NELFB: variants seen among roughly 807,000 people sequenced by gnomAD.
NELFB encodes the protein negative elongation factor B.
Under a neutral mutation model 60.2 loss-of-function variants are expected in NELFB, and 34 were observed. The ratio of observed to expected loss-of-function variants is 0.56; its 90% CI spans 0.43 to 0.75. The LOEUF (loss-of-function observed/expected upper bound fraction) is 0.75. NELFB is among the 30% of genes least tolerant of loss of function. The pLI is 0.00. For missense variants in NELFB, 770 were observed against 831.6 expected, an observed-to-expected ratio of 0.93 and a Z score of 0.91; for synonymous variants, 459 against 382.1, an observed-to-expected ratio of 1.20 and a Z score of -2.35.
chr9:137,259,493 C>T (rs564214609), intron 4 of NELFB, among the ~76,000 whole-genome samples: 1 of 152,126 alleles, frequency 6.6e-6, no homozygotes, highest in African/African-American at 2.4e-5. Flanking sequence ...CCCTTGGACC[C>T]CTCTGCTAAC....
At chr9:137,270,878 C>T (rs1224027733) in intron 10 of NELFB, among the ~76,000 whole-genome samples, 4 of 152,206 alleles carry the variant, frequency 2.6e-5, no homozygotes, top group East Asian at 1.9e-4. Flanking sequence ...GAGATTGCAC[C>T]GCTGCACTCC....
intron 4 of NELFB, among the ~76,000 whole-genome samples, chr9:137,257,429 T>C (rs920834239): frequency 3.3e-5 from 5 of 151,152 alleles, no homozygotes; most frequent in Non-Finnish European, 5.9e-5. Context: ...TTCACTCCAT[T>C]CTCCTGCCTC....
rs200780941 is a variant in NELFB at position 137,255,602 on chromosome 9, G to A, written c.237G>A (p.Glu79=). Residue 79 remains glutamate, a synonymous_variant, in exon 1 of 13, where the codon GAG becomes GAA. Coordinates refer to ENST00000343053, the MANE Select transcript of NELFB (RefSeq NM_015456.5). Reference sequence around the variant, plus strand: ...GCACGGAGCCGCTCAAGGCCATCGAGCAGTTCCAGGTGGGGCGGCCCCCGG... The same window carrying A: ...GCACGGAGCCGCTCAAGGCCATCGAACAGTTCCAGGTGGGGCGGCCCCCGG... 424 of 1,548,938 alleles carry A rather than the reference G, an allele frequency of 2.7e-4. No individual in the cohort carries two copies. In the African/African-American group the frequency reaches 3.4e-3, roughly 12 times the overall value.
At chr9:137,271,092 C>T (rs1348502646) in intron 10 of NELFB, among the ~76,000 whole-genome samples, 1 of 152,254 alleles carries the variant, frequency 6.6e-6, no homozygotes, top group Non-Finnish European at 1.5e-5. Context: ...GTCCCCTCTC[C>T]TGTCTCGCAG....
intron 4 of NELFB, among the ~76,000 whole-genome samples, chr9:137,260,421 T>A (rs1830422341): frequency 6.7e-6 from 1 of 149,000 alleles, no homozygotes; most frequent in Non-Finnish European, 1.5e-5. Flanking sequence ...TTTATTTTAA[T>A]TTTATATTTT....
At chr9:137,261,902 C>T (rs1245397493) in intron 4 of NELFB, among the ~76,000 whole-genome samples, 1 of 151,874 alleles carries the variant, frequency 6.6e-6, no homozygotes, top group Admixed American at 6.6e-5. Context: ...GAGTGTGAGC[C>T]ATCTCCAATG....
rs137937150 is a variant in NELFB, at chr9:137,267,004, A to G, written c.1300A>G (p.Thr434Ala). ...CATGTCCTTCCTGGTGGATGACTACACTTTCAATGTGGATCAGAAACTTCC... is the reference window on the plus strand; with the variant it reads ...CATGTCCTTCCTGGTGGATGACTACGCTTTCAATGTGGATCAGAAACTTCC... The change falls in exon 9 of 13, where the codon ACT (threonine) becomes GCT (alanine). Residue 434 changes from threonine (T) to alanine (A), a missense_variant. By Grantham distance (58) the Thr-to-Ala change is moderately conservative. Transcript: ENST00000343053. 116 of 1,613,898 alleles carry G rather than the reference A, an allele frequency of 7.2e-5. No homozygotes were observed. The highest frequency in any genetic ancestry group is 9.2e-5 in the Non-Finnish European group (109 of 1,180,008).
chr9:137,255,472 A>T lies in NELFB; in HGVS notation c.107A>T (p.Asp36Val), dbSNP rs1185082250. Residue 36 changes from aspartate to valine, a missense_variant, in exon 1 of 13, where the codon GAT becomes GTT. By Grantham distance (152) the Asp-to-Val change is radical. Coordinates refer to ENST00000343053, the MANE Select transcript of NELFB (RefSeq NM_015456.5). Reference sequence around the variant, plus strand: ...GCGGCGCCGGGGGAACGGGCTGGGGATGGGGCGCCTAGCCGGGCGGTGGCC... The same window carrying T: ...GCGGCGCCGGGGGAACGGGCTGGGGTTGGGGCGCCTAGCCGGGCGGTGGCC... The T allele has an allele frequency of 2.0e-6, 3 of 1,509,566 alleles. No homozygotes were observed. 93.5% of individuals were successfully genotyped at this position (1,509,566 alleles called of 1,614,324 possible).
chr9:137,269,398 C>T lies in NELFB; in HGVS notation c.1489+2052C>T, dbSNP rs760390491. On this transcript the variant is annotated intron_variant, in intron 10 of 12. Coordinates refer to ENST00000343053, the MANE Select transcript of NELFB (RefSeq NM_015456.5). This position sits in a 1 kb window ranked among gnomAD's most constrained non-coding sequence, Gnocchi z 5.3. ...ATTGGGACATCGTGCTGCCGGCCGCCGGGCAGAGCCGGTTTGTTTATTTTT... is the reference window on the plus strand; with the variant it reads ...ATTGGGACATCGTGCTGCCGGCCGCTGGGCAGAGCCGGTTTGTTTATTTTT... Among the ~76,000 whole-genome samples the T allele has an allele frequency of 2.6e-5, 4 of 152,128 alleles. No individual in the cohort carries two copies. The highest frequency in any genetic ancestry group is 2.1e-4 in the South Asian group (1 of 4,820).
rs1413916733 is a variant in NELFB, at chr9:137,256,999, T to C, written c.686T>C (p.Leu229Pro). 6.2e-7 allele frequency: 1 copy of C among 1,613,936 alleles called. No individual in the cohort carries two copies. Among genetic ancestry groups the C allele is most frequent in the Non-Finnish European group, 8.5e-7 (1 of 1,179,996 alleles). Residue 229 changes from leucine to proline, a missense_variant, in exon 4 of 13, where the codon CTC (leucine) becomes CCC (proline). Transcript: ENST00000343053. ...GAGAGCGCTCTCTTCAGTACAGAGC[T>C]CTCTGTCCTGCACAACTTTTTCAGT...
At chr9:137,260,457 A>T (rs1168942340) in intron 4 of NELFB, among the ~76,000 whole-genome samples, 54 of 126,634 alleles carry the variant, frequency 4.3e-4, no homozygotes, top group Middle Eastern at 3.8e-3. Context: ...AGTTTGTTTT[A>T]TTTTTTTTTT....
intron 10 of NELFB, 114 bp downstream of exon 10, chr9:137,267,460 C>A: frequency 1.3e-6 from 1 of 752,670 alleles, no homozygotes; most frequent in Non-Finnish European, 2.1e-6. Flanking sequence ...CTCCCCAGCC[C>A]ACCTCCAACT....
At chr9:137,265,816 C>T in intron 6 of NELFB, 61 bp from the exon 7 acceptor site, 1 of 1,125,300 alleles carries the variant, frequency 8.9e-7, no homozygotes, top group Non-Finnish European at 1.4e-6. Flanking sequence ...CTCCTGAGGA[C>T]TGTGCCGCTG....
intron 4 of NELFB, among the ~76,000 whole-genome samples, chr9:137,257,258 A>G (rs185828339): frequency 3.7e-4 from 57 of 152,370 alleles, no homozygotes; most frequent in African/African-American, 1.3e-3. Context: ...ACTTTTCGTT[A>G]AAGTGATATA....
At chr9:137,258,794 G>A (rs1385592534) in intron 4 of NELFB, among the ~76,000 whole-genome samples, 3 of 151,832 alleles carry the variant, frequency 2.0e-5, no homozygotes, top group African/African-American at 4.8e-5. Flanking sequence ...TGGAAAAAGC[G>A]AACTATAAGT....
chr9:137,255,654 G>A, intron 1 of NELFB, 43 bp downstream of exon 1: 3 of 1,515,280 alleles, frequency 2.0e-6, no homozygotes, highest in Non-Finnish European at 8.9e-7. Context: ...TTGGAGGGCC[G>A]GGCCGCCTGC....
At chr9:137,264,914 T>G (rs1023280888) in intron 6 of NELFB, among the ~76,000 whole-genome samples, 7 of 151,976 alleles carry the variant, frequency 4.6e-5, no homozygotes, top group Non-Finnish European at 1.0e-4. Flanking sequence ...GTGTCTGCAG[T>G]GGCGTGGGGT....
intron 5 of NELFB, among the ~76,000 whole-genome samples, chr9:137,263,999 G>A (rs565921727): frequency 2.9e-4 from 44 of 152,348 alleles, no homozygotes; most frequent in Admixed American, 1.9e-3. Flanking sequence ...CCCACACTCA[G>A]GGTGCCATGA....
At position 137,272,573 on chromosome 9, in the gene NELFB, T is replaced by A; in HGVS notation, c.1698T>A (p.Ser566=). The change falls in exon 12 of 13, where the codon TCT becomes TCA. Residue 566 remains serine, a synonymous_variant. Transcript: ENST00000343053. Reference sequence around the variant, plus strand: ...ACCTGCACCCCAGGGTGGCCCCGTCTAAGCTGGAGGCGTTGCAGAAGGCCC... The same window carrying A: ...ACCTGCACCCCAGGGTGGCCCCGTCAAAGCTGGAGGCGTTGCAGAAGGCCC... The A allele has an allele frequency of 6.2e-7, 1 of 1,610,172 alleles. No homozygotes were observed. The highest frequency in any genetic ancestry group is 8.5e-7 in the Non-Finnish European group (1 of 1,178,754).
Sources: gnomAD v4.1 joint callset for allele counts (sites outside exome capture counted in the v4.1 genomes callset) on GRCh38, gnomAD v4.1.1 for gene constraint, Gnocchi (gnomAD v3.1) non-coding constraint, MANE v1.5 for transcripts, NCBI Gene and HGNC (gene_info 2026-07-23, HGNC 2026-07-21) for gene names.